The following RFPL2 variants were observed in gnomAD, a reference collection of about 807,000 sequenced individuals.
RFPL2 encodes ret finger protein like 2, also known as ret finger protein-like 2.
In RFPL2, 13 loss-of-function variants were observed where a neutral mutation model predicts 17.8. The observed-to-expected ratio is 0.73, with a 90% confidence interval of 0.47 to 1.16. The LOEUF is 1.16. Ranked by LOEUF, RFPL2 falls within the 50% of genes most tolerant of loss-of-function variation. The probability of loss-of-function intolerance (pLI) is 0.00; values close to 1 mark genes in which losing one functional copy is unlikely to be tolerated. For synonymous variants in RFPL2, 189 were observed against 180.9 expected (o/e 1.04, Z -0.36); for missense variants, 431 against 479.3 (o/e 0.90, Z 0.94).
intron 2 of RFPL2, 107 bp from the exon 3 acceptor site, chr22:32,194,597 T>G: frequency 8.4e-7 from 1 of 1,186,658 alleles, no homozygotes; most frequent in Non-Finnish European, 1.2e-6. Context: ...TTCTTTCATA[T>G]GAAGGTAAGA....
chr22:32,191,330 G>A lies in RFPL2; in HGVS notation c.579C>T (p.Asn193=), dbSNP rs1922626467. 1 of 1,613,416 alleles carries A rather than the reference G, an allele frequency of 6.2e-7. No individual in the cohort carries two copies. Among genetic ancestry groups the A allele is most frequent in the African/African-American group, 1.3e-5 (1 of 75,022 alleles). Residue 193 remains asparagine, a synonymous_variant, in exon 5 of 5, where the codon AAC becomes AAT. Coordinates refer to ENST00000652607, the MANE Select transcript of RFPL2 (RefSeq NM_001394555.1). Reference sequence around the variant, plus strand: ...AAATGAGGAGGAAGTTGTTGGCTGTGTTGGCATCCAAGGTCATATCCACTG... The same window carrying A: ...AAATGAGGAGGAAGTTGTTGGCTGTATTGGCATCCAAGGTCATATCCACTG... ...KFQVDMTLDA[N]TANNFLLISD... is the part of the protein sequence containing the mutation.
Position 32,193,249 on chromosome 22 carries a change from G to A in RFPL2, c.266-57C>T, listed in dbSNP as rs369628619. The A allele has an allele frequency of 6.2e-6, 10 of 1,613,458 alleles. No homozygotes were observed. The African/African-American group carries it at 1.1e-4, about 17-fold the overall frequency. ...ATTTCCATGAGGTGAAAGCCTGTTA[G>A]TTGTGACAAGTGACAACCTTTTCAT... On this transcript the variant is annotated intron_variant, in intron 3 of 4. Transcript: ENST00000652607.
intron 4 of RFPL2, among the ~76,000 whole-genome samples, chr22:32,191,919 GA>G (rs136476): frequency 2.4e-4 from 36 of 148,566 alleles, no homozygotes; most frequent in South Asian, 8.5e-4. Context: ...AGAACATTCT[GA>G]AAAAAAAAAA....
chr22:32,191,045 A>G lies in RFPL2; in HGVS notation c.864T>C (p.Ser288=). ...TVSLRDGGRL[S]ATTVPLTFLF... ...GGAAAGTCAGCGGCACCGTGGTGGC[A>G]GAGAGGCGGCCTCCATCCCTCAAAC... The change falls in exon 5 of 5, where the codon TCT becomes TCC. Residue 288 remains serine, a synonymous_variant. Transcript: ENST00000652607. 1 of 1,613,964 alleles carries G rather than the reference A, an allele frequency of 6.2e-7. No individual in the cohort carries two copies. The highest frequency in any genetic ancestry group is 8.5e-7 in the Non-Finnish European group (1 of 1,179,864).
Position 32,202,389 on chromosome 22 carries a change from A to G in RFPL2, c.63T>C (p.Cys21=), listed in dbSNP as rs1318285708. ...TAVSQSRICL[C]AVLCGHWDFA... ...AGTCCCAGTGGCCACACAATACAGC[A>G]CATAGACAGATCCTGGATTGGGACA... Residue 21 remains cysteine, a synonymous_variant, in exon 2 of 5, where the codon TGT becomes TGC. Coordinates refer to ENST00000652607, the MANE Select transcript of RFPL2 (RefSeq NM_001394555.1). The G allele has an allele frequency of 1.2e-6, 2 of 1,606,390 alleles. No homozygotes were observed. The highest frequency in any genetic ancestry group is 1.3e-5 in the African/African-American group (1 of 74,804).
Position 32,190,628 on chromosome 22 carries a change from T to G in RFPL2, c.*144A>C. The G allele has an allele frequency of 1.2e-6, 1 of 814,558 alleles. No individual in the cohort carries two copies. The highest frequency in any genetic ancestry group is 1.8e-6 in the Non-Finnish European group (1 of 544,418). The allele number at this position is 814,558 out of a possible 1,614,324, so 50.5% of individuals were successfully genotyped here. ...TAATACTTAGGACTCTATAATCTAA[T>G]CAAATTAGATTAAGTACAATCAAGA... On this transcript the variant is annotated 3_prime_UTR_variant, in exon 5 of 5. Transcript: ENST00000652607.
At position 32,192,914 on chromosome 22, in the gene RFPL2, G is replaced by T. The variant is rs202111979; in HGVS notation, c.544C>A (p.Arg182=). 4 of 1,611,714 alleles carry T rather than the reference G, an allele frequency of 2.5e-6. No individual in the cohort carries two copies. Among genetic ancestry groups the T allele is most frequent in the Middle Eastern group, 3.3e-4 (2 of 6,054 alleles). The change falls in exon 4 of 5, where the codon CGG becomes AGG. Residue 182 remains arginine, a synonymous_variant. Coordinates refer to ENST00000652607, the MANE Select transcript of RFPL2 (RefSeq NM_001394555.1). ...ACAGATGCCTTACCTTGGAACTTCC[G>T]CATCCTTGGGTTCATCTGCAGAATC... ...KKILQMNPRM[R]KFQVDMTLDA...
Position 32,204,829 on chromosome 22 carries a change from A to G in RFPL2, c.-222T>C, listed in dbSNP as rs1924361563. 6.6e-6 allele frequency among the ~76,000 whole-genome samples: 1 copy of G among 152,220 alleles called. No homozygotes were observed. Among genetic ancestry groups the G allele is most frequent in the South Asian group, 2.1e-4 (1 of 4,832 alleles). On this transcript the variant is annotated 5_prime_UTR_variant, in exon 1 of 5. Coordinates refer to ENST00000652607, the MANE Select transcript of RFPL2 (RefSeq NM_001394555.1). ...ACTACATGTTCAGATTGGATGAGAG[A>G]AAAACCTCTAGGTCTACTCTGATTG...
intron 1 of RFPL2, 34 bp from the exon 2 acceptor site, chr22:32,202,584 G>A (rs1391959020): frequency 6.9e-7 from 1 of 1,445,156 alleles, no homozygotes; most frequent in East Asian, 2.5e-5. Context: ...ACATTAGAGC[G>A]CACCTTGTCA....
At chr22:32,193,230 A>C in intron 3 of RFPL2, 38 bp from the exon 4 acceptor site, 1 of 1,613,902 alleles carries the variant, frequency 6.2e-7, no homozygotes, top group East Asian at 2.2e-5. Flanking sequence ...AAAAATTTCC[A>C]TGAGGTGAAA....
At chr22:32,199,569 A>T (rs1923701256) in intron 2 of RFPL2, among the ~76,000 whole-genome samples, 1 of 152,174 alleles carries the variant, frequency 6.6e-6, no homozygotes, top group South Asian at 2.1e-4. Flanking sequence ...CCCAGACTGA[A>T]TTCAACAGGA....
chr22:32,195,120 G>C (rs952649807), intron 2 of RFPL2, among the ~76,000 whole-genome samples: 1 of 152,132 alleles, frequency 6.6e-6, no homozygotes, highest in African/African-American at 2.4e-5. Context: ...ATGCCTTTCT[G>C]TGTAGTGGGA....
intron 2 of RFPL2, among the ~76,000 whole-genome samples, chr22:32,196,330 A>C (rs1207526542): frequency 1.3e-5 from 2 of 152,350 alleles, no homozygotes; most frequent in African/African-American, 4.8e-5. Context: ...AGTGTATCAC[A>C]TATTAAATGA....
At position 32,192,897 on chromosome 22, in the gene RFPL2, C is replaced by T; in HGVS notation, c.556+5G>A. On this transcript the variant is annotated splice_donor_5th_base_variant and intron_variant, in intron 4 of 4. Transcript: ENST00000652607. ...GGAAGGGGGCAGGGTATACAGATGC[C>T]TTACCTTGGAACTTCCGCATCCTTG... 3.1e-6 allele frequency: 5 copies of T among 1,605,436 alleles called. No homozygotes were observed. The highest frequency in any genetic ancestry group is 2.2e-5 in the East Asian group (1 of 44,880).
At chr22:32,192,816 T>C in intron 4 of RFPL2, 86 bp downstream of exon 4, 1 of 1,503,702 alleles carries the variant, frequency 6.7e-7, no homozygotes, top group Non-Finnish European at 8.9e-7. Context: ...CAGCAGCTAA[T>C]CCCCATGTGG....
intron 2 of RFPL2, among the ~76,000 whole-genome samples, chr22:32,198,394 G>A (rs1603207835): frequency 6.6e-6 from 1 of 151,982 alleles, no homozygotes; most frequent in South Asian, 2.1e-4. Context: ...CTTGAGAAGG[G>A]CAGGCAGGTA....
chr22:32,200,943 C>A (rs902939231), intron 2 of RFPL2, among the ~76,000 whole-genome samples: 2 of 151,828 alleles, frequency 1.3e-5, no homozygotes, highest in African/African-American at 2.4e-5. Flanking sequence ...GAAACACACA[C>A]AAAAGGCCGG....
At position 32,202,332 on chromosome 22, in the gene RFPL2, C is replaced by T. The variant is rs1207091164; in HGVS notation, c.119+1G>A. ...GCGGAAAACCCAGAATTGTCTCTCA[C>T]CTCAGGCTCCTTATCACCATCATGT... On this transcript the variant is annotated splice_donor_variant, in intron 2 of 4. Coordinates refer to ENST00000652607, the MANE Select transcript of RFPL2 (RefSeq NM_001394555.1). LOFTEE classifies it high-confidence loss of function. 1.3e-6 allele frequency: 2 copies of T among 1,592,998 alleles called. No homozygotes were observed. Among genetic ancestry groups the T allele is most frequent in the African/African-American group, 1.3e-5 (1 of 74,512 alleles).
chr22:32,191,608 C>G (rs1922666417), intron 4 of RFPL2, among the ~76,000 whole-genome samples: 1 of 152,282 alleles, frequency 6.6e-6, no homozygotes, highest in East Asian at 1.9e-4. Flanking sequence ...TTGGCCTTTT[C>G]TTCGTTTAGA....
Sources: gnomAD v4.1 joint callset for allele counts (sites outside exome capture counted in the v4.1 genomes callset) on GRCh38, gnomAD v4.1.1 for gene constraint, MANE v1.5 for transcripts, NCBI Gene and HGNC (gene_info 2026-07-23, HGNC 2026-07-21) for gene names.